The following PPRC1 variants were observed in gnomAD, a reference collection of about 807,000 sequenced individuals.
The protein encoded by PPRC1 is peroxisome proliferator-activated receptor gamma coactivator-related protein 1.
A neutral mutation model predicts 132.5 loss-of-function variants in PPRC1; 23 were observed. The observed-to-expected ratio is 0.17, with a 90% confidence interval of 0.12 to 0.25. The LOEUF is 0.25. Ranked by LOEUF, PPRC1 falls within the 10% of genes least tolerant of loss-of-function variation. The pLI is 1.00. For synonymous variants in PPRC1, 872 were observed against 833.5 expected, an observed-to-expected ratio of 1.05 and a Z score of -0.80; for missense variants, 2,006 against 2,089.1, an observed-to-expected ratio of 0.96 and a Z score of 0.78.
At chr10:102,128,138 G>A (rs1170858282), upstream of PPRC1, among the ~76,000 whole-genome samples, 1 of 151,702 alleles carries the variant, frequency 6.6e-6, no homozygotes, top group Admixed American at 6.6e-5. Context: ...GTCAGAAGCT[G>A]CTGCTGCTTT....
Position 102,141,380 on chromosome 10 carries a change from A to T in PPRC1, c.2872A>T (p.Thr958Ser). The change falls in exon 5 of 14, where the codon ACT becomes TCT. Residue 958 changes from threonine (T) to serine (S), a missense_variant. Physicochemically the swap from Thr to Ser is moderately conservative, Grantham distance 58. Coordinates refer to ENST00000278070, the MANE Select transcript of PPRC1 (RefSeq NM_015062.5). ...TCCTGGTGCCTATGCCGTGCCTCCC[A>T]CTTGCAGTGTGCCTTGGGCACCCCC... is the stretch of plus-strand genomic sequence containing the variant. Reference protein sequence around the residue: ...GTPGAYAVPPTCSVPWAPPPA... With the variant: ...GTPGAYAVPPSCSVPWAPPPA... The T allele has an allele frequency of 6.2e-7, 1 of 1,612,678 alleles. No homozygotes were observed. The highest frequency in any genetic ancestry group is 8.5e-7 in the Non-Finnish European group (1 of 1,179,674).
chr10:102,136,248 C>CTTAACCAGCCT (rs2068715751), intron 1 of PPRC1, among the ~76,000 whole-genome samples: 1 of 152,034 alleles, frequency 6.6e-6, no homozygotes, highest in Non-Finnish European at 1.5e-5. Flanking sequence ...CTAACGCGTC[C>CTTAACCAGCCT]TTAACCAGCC....
At chr10:102,123,584 G>A in the PPRC1 span, among the ~76,000 whole-genome samples, 2 of 151,984 alleles carry the variant, frequency 1.3e-5, no homozygotes, top group Non-Finnish European at 2.9e-5. Flanking sequence ...CTGGAGTGCA[G>A]TGGTGCAATC....
rs776921036 is a variant in PPRC1, at chr10:102,140,580, C to T, written c.2072C>T (p.Thr691Ile). 8 of 1,613,992 alleles carry T rather than the reference C, an allele frequency of 5.0e-6. No homozygotes were observed. In the African/African-American group the frequency reaches 1.1e-4, roughly 22 times the overall value. Residue 691 changes from threonine (T) to isoleucine (I), a missense_variant, in exon 5 of 14, where the codon ACT (threonine) becomes ATT (isoleucine). By Grantham distance (89) the Thr-to-Ile change is moderately conservative (BLOSUM62 -1). This residue lies in a region of PPRC1 where 1,914 missense variants were observed against 1,917.2 expected (regional missense o/e 1.00). Coordinates refer to ENST00000278070, the MANE Select transcript of PPRC1 (RefSeq NM_015062.5). ...CCAGTGCTAGTTAAGTCCAGACCAA[C>T]TGATCCCAGACGTGGTGCAGTGTCA... is the stretch of plus-strand genomic sequence containing the variant. ...VDPVLVKSRP[T>I]DPRRGAVSSA... is the part of the protein sequence containing the mutation.
chr10:102,140,077 T>C lies in PPRC1; in HGVS notation c.1569T>C (p.Ala523=). 2 of 1,614,234 alleles carry C rather than the reference T, an allele frequency of 1.2e-6. No individual in the cohort carries two copies. Among genetic ancestry groups the C allele is most frequent in the Non-Finnish European group, 8.5e-7 (1 of 1,180,036 alleles). Residue 523 remains alanine, a synonymous_variant, in exon 5 of 14, where the codon GCT becomes GCC. Coordinates refer to ENST00000278070, the MANE Select transcript of PPRC1 (RefSeq NM_015062.5). ...TCCAGGGTAAGGGGAAGCCCCGGGC[T>C]TGGGCTCGGGCCTGGGCAGCTGCCT... The part of the protein sequence containing the change: ...GPLQGKGKPR[A]WARAWAAALE...
At chr10:102,144,713 C>G in intron 7 of PPRC1, 1 of 481,948 alleles carries the variant, frequency 2.1e-6, no homozygotes, top group Non-Finnish European at 3.7e-6. Context: ...CCTGTTCTGC[C>G]AAGCATGTTC....
chr10:102,133,487 T>C (rs1053549971), intron 1 of PPRC1, among the ~76,000 whole-genome samples: 5 of 152,176 alleles, frequency 3.3e-5, no homozygotes, highest in Admixed American at 2.6e-4. Context: ...GGGTTCGGAC[T>C]TGGGGTCGAA....
At chr10:102,124,491 G>A in the PPRC1 span, among the ~76,000 whole-genome samples, 2 of 151,730 alleles carry the variant, frequency 1.3e-5, no homozygotes, top group Non-Finnish European at 2.9e-5. Flanking sequence ...AGCCTCCGGA[G>A]TAGCTGGGAT....
chr10:102,128,925 T>C (rs1333382946), upstream of PPRC1, among the ~76,000 whole-genome samples: 12 of 93,654 alleles, frequency 1.3e-4, no homozygotes, highest in Admixed American at 3.9e-4. Context: ...GCGGCAGTCT[T>C]TTTTTTTTTT....
At chr10:102,131,152 G>A (rs969441294), upstream of PPRC1, among the ~76,000 whole-genome samples, 7 of 144,660 alleles carry the variant, frequency 4.8e-5, no homozygotes, top group Non-Finnish European at 7.5e-5. Flanking sequence ...CCAAGATCGC[G>A]CCACTGCACT....
chr10:102,147,356 C>A lies in PPRC1; in HGVS notation c.4364C>A (p.Ser1455Tyr). The change falls in exon 9 of 14, where the codon TCC (serine) becomes TAC (tyrosine). Residue 1455 changes from serine to tyrosine, a missense_variant. By Grantham distance (144) the Ser-to-Tyr change is moderately radical. Around this residue, in one of 2 missense-constraint regions of PPRC1, gnomAD observed 1,914 missense variants for 1,917.2 expected, o/e 1.00. Coordinates refer to ENST00000278070, the MANE Select transcript of PPRC1 (RefSeq NM_015062.5). Reference sequence around the variant, plus strand: ...TCGTCTTCCTCATCCCGATCTCGGTCCAGGTCCCTCTCCCCCCCACACAAG... The same window carrying A: ...TCGTCTTCCTCATCCCGATCTCGGTACAGGTCCCTCTCCCCCCCACACAAG... ...SSSSSSSRSR[S>Y]RSLSPPHKRW... The A allele has an allele frequency of 1.2e-6, 2 of 1,609,012 alleles. No individual in the cohort carries two copies. The highest frequency in any genetic ancestry group is 1.1e-5 in the South Asian group (1 of 91,072).
upstream of PPRC1, among the ~76,000 whole-genome samples, chr10:102,129,209 G>T (rs948896754): frequency 2.0e-5 from 3 of 152,174 alleles, no homozygotes. Context: ...GGGATTACAG[G>T]TGTGCACCAC....
In PPRC1 at chr10:102,140,381, C is replaced by T; in HGVS notation, c.1873C>T (p.Leu625Phe). ...AACCAGCTCAGAACTGGTTGAGCCT[C>T]TCCCGGCTGAGCCAGTGCTGATCAA... Reference protein sequence around the residue: ...ASTSSELVEPLPAEPVLINPV... With the variant: ...ASTSSELVEPFPAEPVLINPV... The change falls in exon 5 of 14, where the codon CTC becomes TTC. Residue 625 changes from leucine (L) to phenylalanine (F), a missense_variant. Coordinates refer to ENST00000278070, the MANE Select transcript of PPRC1 (RefSeq NM_015062.5). 6.2e-7 allele frequency: 1 copy of T among 1,614,178 alleles called. No individual in the cohort carries two copies. The highest frequency in any genetic ancestry group is 1.3e-5 in the African/African-American group (1 of 75,036).
chr10:102,142,004 G>C lies in PPRC1; in HGVS notation c.3496G>C (p.Gly1166Arg), dbSNP rs2069005670. 1.2e-6 allele frequency: 2 copies of C among 1,603,440 alleles called. No individual in the cohort carries two copies. The highest frequency in any genetic ancestry group is 1.7e-6 in the Non-Finnish European group (2 of 1,173,444). ...DVVQAFISEI[G>R]IEASDLSSLL... ...GGTACAGGCTTTCATCAGTGAGATT[G>C]GTGAGTGACACACAGTTCCCCCATG... Residue 1166 changes from glycine to arginine, a missense_variant and splice_region_variant, in exon 5 of 14, where the codon GGA becomes CGA. Gly to Arg is a moderately radical substitution (Grantham distance 125). Coordinates refer to ENST00000278070, the MANE Select transcript of PPRC1 (RefSeq NM_015062.5).
chr10:102,120,044 G>A, the PPRC1 span: 1 of 1,405,108 alleles, frequency 7.1e-7, no homozygotes, highest in Non-Finnish European at 9.5e-7. Flanking sequence ...CCGCAGGGAC[G>A]GCTGGGCAGG....
Position 102,141,131 on chromosome 10 carries a change from A to G in PPRC1, c.2623A>G (p.Met875Val), listed in dbSNP as rs774087714. 6.2e-7 allele frequency: 1 copy of G among 1,613,688 alleles called. No individual in the cohort carries two copies. Among genetic ancestry groups the G allele is most frequent in the East Asian group, 2.2e-5 (1 of 44,858 alleles). The stretch of plus-strand genomic sequence containing the variant: ...CCCTGCTGTGCCCACACCTCCCTCG[A>G]TGTCTGCTGCCCTGCCTTTCCCTGC... Reference protein sequence around the residue: ...VSPAVPTPPSMSAALPFPAGG... With the variant: ...VSPAVPTPPSVSAALPFPAGG... Residue 875 changes from methionine to valine, a missense_variant, in exon 5 of 14, where the codon ATG (methionine) becomes GTG (valine). This residue lies in a region of PPRC1 where 1,914 missense variants were observed against 1,917.2 expected (regional missense o/e 1.00). Coordinates refer to ENST00000278070, the MANE Select transcript of PPRC1 (RefSeq NM_015062.5).
intron 12 of PPRC1, 54 bp from the exon 13 acceptor site, chr10:102,149,124 A>G: frequency 2.0e-6 from 3 of 1,536,754 alleles, no homozygotes; most frequent in African/African-American, 1.4e-5. Context: ...TGTCTCCTCT[A>G]TGGCATGGGC....
the PPRC1 span, among the ~76,000 whole-genome samples, chr10:102,127,055 ATATATATATATAT>A: frequency 3.2e-3 from 191 of 59,894 alleles, 5 homozygotes; most frequent in Admixed American, 0.018. Context: ...ATATATATAT[ATATATATATATAT>A]AAATTAAAAA....
chr10:102,120,479 C>G, the PPRC1 span: 1 of 789,238 alleles, frequency 1.3e-6, no homozygotes, highest in Non-Finnish European at 1.5e-6. Flanking sequence ...GCGCCGGCGC[C>G]GGCTCCCCAG....
Sources: gnomAD v4.1 joint callset for allele counts (sites outside exome capture counted in the v4.1 genomes callset) on GRCh38, gnomAD v4.1.1 for gene constraint, gnomAD v4.1.1 regional missense constraint, MANE v1.5 for transcripts, NCBI Gene and HGNC (gene_info 2026-07-23, HGNC 2026-07-21) for gene names.